FRMD4A: variants seen among roughly 807,000 people sequenced by gnomAD.
The protein encoded by FRMD4A is FERM domain containing 4A.
Under a neutral mutation model 129.1 loss-of-function variants are expected in FRMD4A, and 29 were observed. That is an observed-to-expected ratio of 0.22 (90% CI 0.17 to 0.31). The LOEUF is 0.31. FRMD4A is among the 10% of genes least tolerant of loss of function. The pLI is 1.00. For synonymous variants in FRMD4A, 634 were observed against 571.6 expected, an observed-to-expected ratio of 1.11 and a Z score of -1.56; for missense variants, 1,272 against 1,375.8, an observed-to-expected ratio of 0.92 and a Z score of 1.19.
chr10:13,945,741 G>A (rs1337594799), intron 2 of FRMD4A, among the ~76,000 whole-genome samples: 1 of 152,092 alleles, frequency 6.6e-6, no homozygotes, highest in Non-Finnish European at 1.5e-5. Flanking sequence ...ATAGAGCCAG[G>A]GTCACCCCAG....
At chr10:14,096,114 G>A (rs1323567616) in intron 2 of FRMD4A, among the ~76,000 whole-genome samples, 1 of 152,220 alleles carries the variant, frequency 6.6e-6, no homozygotes, top group Non-Finnish European at 1.5e-5. Context: ...TTCCCAACAC[G>A]TGGGTATTAA....
rs3220780 is a variant in FRMD4A, at chr10:13,789,558, C to CCACACACACACA, written c.300-6564_300-6553dup. On this transcript the variant is annotated intron_variant, in intron 5 of 24. Coordinates refer to ENST00000357447, the MANE Select transcript of FRMD4A (RefSeq NM_018027.5). Reference sequence around the variant, plus strand: ...GCACAAAGTTGTGCCTATGAAAAGACCACACACACACACACACACACACAC... The same window carrying CCACACACACACA: ...GCACAAAGTTGTGCCTATGAAAAGACCACACACACACACACACACACACACACACACACACAC... Among the ~76,000 whole-genome samples, 468 of 144,778 alleles carry CCACACACACACA rather than the reference C, an allele frequency of 3.2e-3. 1 individual carries two copies. Among genetic ancestry groups the CCACACACACACA allele is most frequent in the African/African-American group, 0.011 (433 of 39,228 alleles). The allele number at this position is 144,778 out of a possible 152,430, so 95.0% of individuals were successfully genotyped here.
chr10:14,261,927 T>A (rs1844814504), intron 2 of FRMD4A, among the ~76,000 whole-genome samples: 1 of 133,706 alleles, frequency 7.5e-6, no homozygotes, highest in African/African-American at 2.9e-5. Flanking sequence ...GTGACTCCAT[T>A]TCTCACCACA....
At position 13,775,034 on chromosome 10, in the gene FRMD4A, C is replaced by G. The variant is rs571686590; in HGVS notation, c.384+7888G>C. On this transcript the variant is annotated intron_variant, in intron 6 of 24. Transcript: ENST00000357447. Reference sequence around the variant, plus strand: ...GAGATTAAAGTAAATACTGACAAAGCCTCCCAGAAAGTAGAATAAAAAGAC... The same window carrying G: ...GAGATTAAAGTAAATACTGACAAAGGCTCCCAGAAAGTAGAATAAAAAGAC... 6.6e-5 allele frequency among the ~76,000 whole-genome samples: 10 copies of G among 151,524 alleles called. 1 individual carries two copies. The South Asian group carries it at 2.1e-3, about 32-fold the overall frequency.
intron 2 of FRMD4A, among the ~76,000 whole-genome samples, chr10:14,250,648 G>A (rs539097344): frequency 1.3e-5 from 2 of 152,334 alleles, no homozygotes; most frequent in East Asian, 3.9e-4. Context: ...TAGAGAATTA[G>A]CTAGTTCTCT....
chr10:13,970,749 G>A (rs912985780), intron 2 of FRMD4A, among the ~76,000 whole-genome samples: 3 of 152,160 alleles, frequency 2.0e-5, no homozygotes, highest in Non-Finnish European at 4.4e-5. Flanking sequence ...CGGGGCTGGG[G>A]CTGTCAGGAC....
At chr10:14,225,062 C>T (rs1843390705) in intron 2 of FRMD4A, among the ~76,000 whole-genome samples, 1 of 152,084 alleles carries the variant, frequency 6.6e-6, no homozygotes, top group South Asian at 2.1e-4. Flanking sequence ...CACCTGACTG[C>T]AAATAAGCTT....
At chr10:13,668,446 A>C (rs1186593671) in intron 17 of FRMD4A, 1 of 152,376 alleles carries the variant, frequency 6.6e-6, no homozygotes, top group Admixed American at 6.5e-5. Context: ...CTGTCCATGC[A>C]AATGTCTGCC....
intron 13 of FRMD4A, among the ~76,000 whole-genome samples, chr10:13,705,719 G>A (rs991374517): frequency 6.6e-6 from 1 of 152,132 alleles, no homozygotes; most frequent in Non-Finnish European, 1.5e-5. Context: ...CCATGGAGTG[G>A]GGCTTCTGGC....
chr10:13,848,832 A>C (rs2094097750), intron 3 of FRMD4A, among the ~76,000 whole-genome samples: 1 of 152,090 alleles, frequency 6.6e-6, no homozygotes. Context: ...CTCCTTACCA[A>C]GGGGGAAACG....
intron 14 of FRMD4A, among the ~76,000 whole-genome samples, chr10:13,696,288 C>G (rs375200939): frequency 3.3e-5 from 5 of 152,172 alleles, no homozygotes; most frequent in African/African-American, 1.2e-4. Flanking sequence ...GCAAGCATGG[C>G]GAGTACAACC....
chr10:14,277,142 G>A (rs373832009), intron 2 of FRMD4A, among the ~76,000 whole-genome samples: 71 of 152,292 alleles, frequency 4.7e-4, no homozygotes, highest in African/African-American at 1.5e-3. Flanking sequence ...GATTATAGGC[G>A]TGAGCCACGG....
intron 12 of FRMD4A, chr10:13,728,043 C>G (rs931000620): frequency 6.6e-6 from 1 of 152,182 alleles, no homozygotes; most frequent in East Asian, 1.9e-4. Context: ...TCGGACAACA[C>G]GTACTGAACA....
At chr10:14,131,407 C>G (rs909311220) in intron 2 of FRMD4A, among the ~76,000 whole-genome samples, 1 of 151,750 alleles carries the variant, frequency 6.6e-6, no homozygotes, top group African/African-American at 2.4e-5. Flanking sequence ...CCCCCCCCGG[C>G]CGCCCTGTTG....
rs145486120 is a variant in FRMD4A at position 14,261,075 on chromosome 10, AG to A, written c.45+68982del. Among the ~76,000 whole-genome samples, 743 of 152,294 alleles carry A rather than the reference AG, an allele frequency of 4.9e-3. 2 individuals carry two copies. Among genetic ancestry groups the A allele is most frequent in the African/African-American group, 0.017 (723 of 41,566 alleles). On this transcript the variant is annotated intron_variant, in intron 2 of 24. Coordinates refer to ENST00000357447, the MANE Select transcript of FRMD4A (RefSeq NM_018027.5). ...TGGTCAATAAACATATGGGACTGAG[AG>A]GAGTTAGAGTCTGGCTTTGAGCCAT... is the stretch of plus-strand genomic sequence containing the variant.
chr10:14,119,811 G>T (rs1838398174), intron 2 of FRMD4A, among the ~76,000 whole-genome samples: 2 of 152,118 alleles, frequency 1.3e-5, no homozygotes, highest in Admixed American at 1.3e-4. Flanking sequence ...AAAGCCCATG[G>T]CCAAGCAAGG....
intron 2 of FRMD4A, among the ~76,000 whole-genome samples, chr10:14,244,940 C>A (rs1163135128): frequency 6.6e-6 from 1 of 152,222 alleles, no homozygotes; most frequent in Admixed American, 6.5e-5. Context: ...AAGATGATTT[C>A]TCTGCCTCAC....
At chr10:13,785,767 C>G (rs10796129) in intron 5 of FRMD4A, among the ~76,000 whole-genome samples, 85,710 of 150,694 alleles carry the variant, frequency 0.57, 25,626 homozygotes, top group Non-Finnish European at 0.67. Context: ...GCTATCCCTC[C>G]CCCTACCCCC....
chr10:14,028,401 C>G (rs2131658036), intron 2 of FRMD4A, among the ~76,000 whole-genome samples: 1 of 152,236 alleles, frequency 6.6e-6, no homozygotes, highest in South Asian at 2.1e-4. Context: ...AACTCCTTAT[C>G]AGGGGACTCA....
Sources: allele counts gnomAD v4.1 joint callset (sites outside exome capture counted in the v4.1 genomes callset), GRCh38; gene constraint gnomAD v4.1.1; transcripts MANE v1.5; gene names NCBI Gene and HGNC (gene_info 2026-07-23, HGNC 2026-07-21).